The following EPRS1 variants were observed in gnomAD, a reference collection of about 807,000 sequenced individuals.
The protein encoded by EPRS1 is glutamyl-prolyl-tRNA synthetase 1.
A neutral mutation model predicts 188.3 loss-of-function variants in EPRS1; 107 were observed. The observed-to-expected ratio is 0.57, with a 90% CI of 0.49 to 0.67. The LOEUF (loss-of-function observed/expected upper bound fraction) is 0.67, where lower values mean the gene tolerates loss of function less well. Among genes scored for constraint, EPRS1 ranks in the 30% least tolerant of loss-of-function variants. The pLI is 0.00. For missense variants in EPRS1, 1,577 were observed against 1,802.2 expected (o/e 0.88, Z 2.26); for synonymous variants, 596 against 593.1 (o/e 1.00, Z -0.07).
chr1:219,972,398 T>C (rs1441485775), intron 29 of EPRS1, among the ~76,000 whole-genome samples: 2 of 152,196 alleles, frequency 1.3e-5, no homozygotes, highest in Admixed American at 1.3e-4. Context: ...GTTACTGCTG[T>C]TAAATCTCTA....
intron 28 of EPRS1, among the ~76,000 whole-genome samples, chr1:219,978,161 T>C (rs1660813321): frequency 6.6e-6 from 1 of 152,218 alleles, no homozygotes; most frequent in Non-Finnish European, 1.5e-5. Flanking sequence ...TGTTTCACTA[T>C]TAGCTATAAC....
chr1:220,027,357 G>A (rs1162629108), intron 6 of EPRS1, among the ~76,000 whole-genome samples: 1 of 152,036 alleles, frequency 6.6e-6, no homozygotes. Flanking sequence ...GAACCCGGGA[G>A]GTGGAGCTTG....
At chr1:219,971,999 A>C in intron 30 of EPRS1, 70 bp downstream of exon 30, 4 of 945,910 alleles carry the variant, frequency 4.2e-6, no homozygotes, top group Non-Finnish European at 6.4e-6. Context: ...ACCATGCATA[A>C]ATTCAATGAG....
intron 2 of EPRS1, 64 bp downstream of exon 2, chr1:220,040,120 TA>T: frequency 2.8e-6 from 3 of 1,081,786 alleles, no homozygotes; most frequent in South Asian, 1.4e-5. Context: ...ACTCTGTCTC[TA>T]AAAAAACTCT....
chr1:220,032,240 AATT>A, intron 5 of EPRS1, 144 bp downstream of exon 5: 3 of 389,068 alleles, frequency 7.7e-6, no homozygotes, highest in African/African-American at 7.8e-5. Context: ...ACGCCCGGCT[AATT>A]TTTTTTTTTT....
At chr1:220,022,763 C>T (rs185718058) in intron 8 of EPRS1, among the ~76,000 whole-genome samples, 2 of 152,290 alleles carry the variant, frequency 1.3e-5, no homozygotes, top group East Asian at 1.9e-4. Flanking sequence ...CAATACATTC[C>T]ACTCATGTGG....
intron 13 of EPRS1, among the ~76,000 whole-genome samples, chr1:220,009,660 G>C (rs1033386128): frequency 6.6e-6 from 1 of 151,694 alleles, no homozygotes; most frequent in Non-Finnish European, 1.5e-5. Context: ...ACTCCAGCCT[G>C]AGCACCAGAG....
intron 16 of EPRS1, among the ~76,000 whole-genome samples, chr1:220,002,519 T>C (rs1033456931): frequency 6.6e-6 from 1 of 152,160 alleles, no homozygotes; most frequent in Non-Finnish European, 1.5e-5. Flanking sequence ...ATACCACACC[T>C]AATCTGCTTA....
chr1:220,024,806 C>T (rs1211814158), intron 7 of EPRS1, among the ~76,000 whole-genome samples: 1 of 152,132 alleles, frequency 6.6e-6, no homozygotes, highest in Non-Finnish European at 1.5e-5. Flanking sequence ...TCACATTTTC[C>T]AATACCTACT....
At chr1:219,995,964 T>C (rs531033269) in intron 18 of EPRS1, among the ~76,000 whole-genome samples, 1 of 152,310 alleles carries the variant, frequency 6.6e-6, no homozygotes, top group African/African-American at 2.4e-5. Flanking sequence ...ACCATACCTC[T>C]CTGTGTATGT....
rs57900764 is a variant in EPRS1 at position 220,016,711 on chromosome 1, CT to C, written c.1494+1737del. Among the ~76,000 whole-genome samples the C allele has an allele frequency of 1.3e-3, 168 of 128,224 alleles. 1 individual carries two copies. The highest frequency in any genetic ancestry group is 7.8e-3 in the Middle Eastern group (2 of 258). 84.1% of individuals were successfully genotyped at this position (128,224 alleles called of 152,430 possible). A position where few individuals can be genotyped will look rare whatever the true frequency, so the allele number is the denominator to read the frequency against. ...TGGGAGTAGAGGCATGAGAACCTGG[CT>C]TTTTTTTTTTTTTTTAACAGAAAAA... is the stretch of plus-strand genomic sequence containing the variant. On this transcript the variant is annotated intron_variant, in intron 12 of 31. Coordinates refer to ENST00000366923, the MANE Select transcript of EPRS1 (RefSeq NM_004446.3).
At chr1:220,038,826 G>A (rs1274834116) in intron 2 of EPRS1, among the ~76,000 whole-genome samples, 1 of 152,168 alleles carries the variant, frequency 6.6e-6, no homozygotes, top group East Asian at 1.9e-4. Context: ...GAGCGGCACA[G>A]GAACAAAGAC....
chr1:220,009,394 A>G (rs1393056738), intron 13 of EPRS1, among the ~76,000 whole-genome samples: 1 of 152,236 alleles, frequency 6.6e-6, no homozygotes, highest in Non-Finnish European at 1.5e-5. Context: ...TTTTCAGTAT[A>G]TAATAAAGTT....
At chr1:219,984,803 G>A (rs12058150) in intron 20 of EPRS1, among the ~76,000 whole-genome samples, 29,635 of 151,996 alleles carry the variant, frequency 0.19, 3,757 homozygotes, top group African/African-American at 0.35. Flanking sequence ...ACCACTTTAG[G>A]AGGCCAAGGC....
chr1:220,039,581 C>T (rs1043469994), intron 2 of EPRS1, among the ~76,000 whole-genome samples: 2 of 150,088 alleles, frequency 1.3e-5, no homozygotes, highest in East Asian at 2.0e-4. Context: ...TGCAGTGGCG[C>T]GTTCTCGGTT....
At chr1:219,995,767 T>C (rs1661218998) in intron 18 of EPRS1, among the ~76,000 whole-genome samples, 1 of 152,200 alleles carries the variant, frequency 6.6e-6, no homozygotes, top group Non-Finnish European at 1.5e-5. Flanking sequence ...CCTCAAAATA[T>C]GAGGTCAAAT....
At position 220,034,969 on chromosome 1, in the gene EPRS1, G is replaced by A. The variant is rs1662150483; in HGVS notation, c.176C>T (p.Ala59Val). Residue 59 changes from alanine to valine, a missense_variant, in exon 3 of 32, where the codon GCT (alanine) becomes GTT (valine). Ala to Val is a moderately conservative substitution (Grantham distance 64, BLOSUM62 0). This residue lies in a region of EPRS1 where 1,278 missense variants were observed against 1,457.4 expected (regional missense o/e 0.88). Coordinates refer to ENST00000366923, the MANE Select transcript of EPRS1 (RefSeq NM_004446.3). ...TDVNSILRYL[A>V]RVATTAGLYG... is the part of the protein sequence containing the mutation. ...TAACCCAGCTGTAGTTGCAACTCTA[G>A]CCAAGTAGCGAAGTATAGAATTCAC... 1 of 1,602,494 alleles carries A rather than the reference G, an allele frequency of 6.2e-7. No homozygotes were observed. The highest frequency in any genetic ancestry group is 2.2e-5 in the East Asian group (1 of 44,668).
chr1:219,981,529 C>A, intron 23 of EPRS1, 72 bp from the exon 24 acceptor site: 3 of 796,110 alleles, frequency 3.8e-6, no homozygotes, highest in African/African-American at 1.7e-5. Context: ...ACAGCTAAAC[C>A]AGCAAGATAA....
At chr1:220,006,583 A>G (rs1313658690) in intron 14 of EPRS1, among the ~76,000 whole-genome samples, 1 of 152,156 alleles carries the variant, frequency 6.6e-6, no homozygotes, top group African/African-American at 2.4e-5. Flanking sequence ...CATACAATTG[A>G]TGAGGAACAT....
Sources: gnomAD v4.1 joint callset for allele counts (sites outside exome capture counted in the v4.1 genomes callset) on GRCh38, gnomAD v4.1.1 for gene constraint, gnomAD v4.1.1 regional missense constraint, MANE v1.5 for transcripts, NCBI Gene and HGNC (gene_info 2026-07-23, HGNC 2026-07-21) for gene names.